The following NTM variants were observed in gnomAD, a reference collection of about 807,000 sequenced individuals.
NTM encodes the protein IgLON family member 2.
In NTM, 13 loss-of-function variants were observed where a neutral mutation model predicts 42.1. That is an observed-to-expected ratio of 0.31 (90% CI 0.20 to 0.49). The LOEUF (loss-of-function observed/expected upper bound fraction) is 0.49, where lower values mean the gene tolerates loss of function less well. Among genes scored for constraint, NTM ranks in the 20% least tolerant of loss-of-function variants. NTM has a pLI of 0.99. For missense variants in NTM, 373 were observed against 452.8 expected (o/e 0.82, Z 1.60); for synonymous variants, 187 against 179.2 (o/e 1.04, Z -0.35).
At chr11:131,466,708 G>T (rs190779598) in intron 1 of NTM, among the ~76,000 whole-genome samples, 3 of 152,082 alleles carry the variant, frequency 2.0e-5, no homozygotes, top group South Asian at 2.1e-4. Context: ...TAGGTAGCTG[G>T]GTATATCATG....
At chr11:131,833,822 G>A (rs141803313) in intron 1 of NTM, among the ~76,000 whole-genome samples, 1 of 152,138 alleles carries the variant, frequency 6.6e-6, no homozygotes, top group Non-Finnish European at 1.5e-5. Flanking sequence ...ATGCAAGAAA[G>A]GTAACTTCCT....
intron 4 of NTM, among the ~76,000 whole-genome samples, chr11:132,230,024 A>C (rs2087168210): frequency 1.3e-5 from 2 of 152,254 alleles, no homozygotes; most frequent in Non-Finnish European, 2.9e-5. Context: ...CCTGTACATG[A>C]GAATCCCAAC....
intron 1 of NTM, among the ~76,000 whole-genome samples, chr11:131,465,635 G>A (rs1462345436): frequency 6.6e-6 from 1 of 152,208 alleles, no homozygotes; most frequent in African/African-American, 2.4e-5. Flanking sequence ...TTACAGAGCA[G>A]AGCACAAACT....
At chr11:131,465,272 C>A (rs1476776474) in intron 1 of NTM, among the ~76,000 whole-genome samples, 4 of 152,176 alleles carry the variant, frequency 2.6e-5, no homozygotes, top group Admixed American at 1.3e-4. Context: ...CCATGGGTGA[C>A]CTGCGGGTGC....
chr11:131,860,013 C>G (rs1419533080), intron 1 of NTM, among the ~76,000 whole-genome samples: 1 of 152,166 alleles, frequency 6.6e-6, no homozygotes, highest in Admixed American at 6.5e-5. Context: ...GTGAGTAACT[C>G]TGATATCTAT....
intron 1 of NTM, among the ~76,000 whole-genome samples, chr11:131,510,968 T>C (rs577941696): frequency 4.6e-5 from 7 of 152,318 alleles, no homozygotes; most frequent in Middle Eastern, 3.4e-3. Flanking sequence ...GGCCATACTG[T>C]GTCCTAACCT....
At chr11:131,613,273 A>G (rs1202803746) in intron 1 of NTM, among the ~76,000 whole-genome samples, 1 of 151,404 alleles carries the variant, frequency 6.6e-6, no homozygotes, top group Admixed American at 6.6e-5. Flanking sequence ...TGCCCTCCCC[A>G]CCCATCCCAC....
At chr11:131,713,157 C>T (rs186705154) in intron 1 of NTM, among the ~76,000 whole-genome samples, 18 of 151,524 alleles carry the variant, frequency 1.2e-4, no homozygotes, top group African/African-American at 4.4e-4. Flanking sequence ...TGCTATACAC[C>T]GGGTGTGTAA....
chr11:131,727,538 T>A (rs931811571), intron 1 of NTM, among the ~76,000 whole-genome samples: 1 of 152,138 alleles, frequency 6.6e-6, no homozygotes, highest in Non-Finnish European at 1.5e-5. Context: ...CCTACCAATA[T>A]GCCAGGAAAG....
intron 1 of NTM, among the ~76,000 whole-genome samples, chr11:131,803,201 A>G (rs918500919): frequency 2.0e-5 from 3 of 152,178 alleles, no homozygotes; most frequent in African/African-American, 4.8e-5. Flanking sequence ...CATTATACAC[A>G]GAGTTTCCTG....
chr11:131,661,057 A>G lies in NTM; in HGVS notation c.83-250507A>G, dbSNP rs1390102731. 12 of 1,301,952 alleles carry G rather than the reference A, an allele frequency of 9.2e-6. No homozygotes were observed. In the East Asian group the frequency reaches 1.7e-4, roughly 18 times the overall value. 80.6% of individuals were successfully genotyped at this position (1,301,952 alleles called of 1,614,324 possible). On this transcript the variant is annotated intron_variant, in intron 1 of 8. Coordinates refer to ENST00000683400, the MANE Select transcript of NTM (RefSeq NM_001352005.2). Reference sequence around the variant, plus strand: ...GAAATGGAAGGGCACAGGTAGGTGCATACTCAATTCTTCATCTTTTGCACA... The same window carrying G: ...GAAATGGAAGGGCACAGGTAGGTGCGTACTCAATTCTTCATCTTTTGCACA...
At position 132,106,615 on chromosome 11, in the gene NTM, T is replaced by C. The variant is rs544654701; in HGVS notation, c.168-39667T>C. ...CACTTGGCATTTGCACAGCTTCCTC[T>C]GTCTTTGGCATCCCATCTGTCTGTA... On this transcript the variant is annotated intron_variant, in intron 2 of 8. Transcript: ENST00000683400. Among the ~76,000 whole-genome samples, 60 of 152,358 alleles carry C rather than the reference T, an allele frequency of 3.9e-4. No individual in the cohort carries two copies. The South Asian group carries it at 6.4e-3, about 16-fold the overall frequency.
chr11:132,244,812 C>T (rs1279083442), intron 4 of NTM, among the ~76,000 whole-genome samples: 3 of 152,314 alleles, frequency 2.0e-5, no homozygotes, highest in Admixed American at 6.5e-5. Context: ...GTTCCCCCAG[C>T]CCACCGGCTC....
At chr11:131,731,317 C>T (rs1018404392) in intron 1 of NTM, among the ~76,000 whole-genome samples, 9 of 152,136 alleles carry the variant, frequency 5.9e-5, no homozygotes, top group African/African-American at 1.7e-4. Context: ...AGGTCAGCTC[C>T]CATTTTCATA....
chr11:131,801,547 C>G (rs2092111396), intron 1 of NTM, among the ~76,000 whole-genome samples: 1 of 152,112 alleles, frequency 6.6e-6, no homozygotes, highest in Admixed American at 6.5e-5. Flanking sequence ...TTTAAAATGC[C>G]CTTACCAAAG....
intron 1 of NTM, among the ~76,000 whole-genome samples, chr11:131,836,099 A>G (rs2043454353): frequency 6.6e-6 from 1 of 152,144 alleles, no homozygotes; most frequent in African/African-American, 2.4e-5. Flanking sequence ...GTCATTTTCA[A>G]TTTCTTTAAC....
intron 1 of NTM, among the ~76,000 whole-genome samples, chr11:131,527,825 A>T (rs963183420): frequency 6.6e-6 from 1 of 152,172 alleles, no homozygotes; most frequent in African/African-American, 2.4e-5. Context: ...CCTTTCCAGG[A>T]TTTAACAATC....
At chr11:131,830,008 T>G (rs1330726611) in intron 1 of NTM, among the ~76,000 whole-genome samples, 1 of 152,202 alleles carries the variant, frequency 6.6e-6, no homozygotes, top group African/African-American at 2.4e-5. Context: ...GTTCACAGCT[T>G]TTGCCCATTT....
At chr11:131,920,875 G>T (rs568213450) in intron 2 of NTM, among the ~76,000 whole-genome samples, 51 of 152,288 alleles carry the variant, frequency 3.3e-4, no homozygotes, top group African/African-American at 1.2e-3. Flanking sequence ...AGATGTATCT[G>T]TGTGAAAATA....
Sources: gnomAD v4.1 joint callset for allele counts (sites outside exome capture counted in the v4.1 genomes callset) on GRCh38, gnomAD v4.1.1 for gene constraint, MANE v1.5 for transcripts, NCBI Gene and HGNC (gene_info 2026-07-23, HGNC 2026-07-21) for gene names.